Variants in RASEF observed in about 807,000 individuals in gnomAD.
RASEF encodes the protein ras and EF-hand domain-containing protein.
RASEF carries 68 observed loss-of-function variants against 90.1 expected under a neutral mutation model. The ratio of observed to expected loss-of-function variants is 0.75; its 90% CI spans 0.62 to 0.92. The LOEUF (loss-of-function observed/expected upper bound fraction) is 0.92, where lower values mean the gene tolerates loss of function less well. Ranked by LOEUF, RASEF falls within the 40% of genes least tolerant of loss-of-function variation. The pLI is 0.00. For missense variants in RASEF, 949 were observed against 937.2 expected (o/e 1.01, Z -0.16); for synonymous variants, 331 against 345.2 (o/e 0.96, Z 0.46).
At chr9:83,102,418 C>G in the RASEF span, among the ~76,000 whole-genome samples, 1 of 152,172 alleles carries the variant, frequency 6.6e-6, no homozygotes, top group South Asian at 2.1e-4. Context: ...CCAATACACA[C>G]CTTAAGCGAT....
chr9:83,147,040 G>GTA, the RASEF span, among the ~76,000 whole-genome samples: 2,393 of 143,672 alleles, frequency 0.017, 62 homozygotes, highest in African/African-American at 0.053. Flanking sequence ...ATATATATAT[G>GTA]TATATATATA....
In RASEF at chr9:83,049,529, C is replaced by T. The variant is rs200712436; in HGVS notation, c.431+12908G>A. Among the ~76,000 whole-genome samples the T allele has an allele frequency of 8.6e-3, 855 of 99,204 alleles. 21 individuals carry two copies. The East Asian group carries it at 0.13, about 15-fold the overall frequency. 65.1% of individuals were successfully genotyped at this position (99,204 alleles called of 152,430 possible). On this transcript the variant is annotated intron_variant, in intron 1 of 16. Coordinates refer to ENST00000376447, the MANE Select transcript of RASEF (RefSeq NM_152573.4). ...ATGCACAGCCCACCTTTCTGCCTTC[C>T]TTTTTTTTTTTTTTTTTTTTTTTAT...
the RASEF span, chr9:83,200,944 AG>A: frequency 6.6e-6 from 1 of 152,242 alleles, no homozygotes; most frequent in Non-Finnish European, 1.5e-5. Flanking sequence ...CTTCTCTTAA[AG>A]GGTCATAGAC....
intron 1 of RASEF, among the ~76,000 whole-genome samples, chr9:83,044,592 A>C (rs1474607076): frequency 6.6e-6 from 1 of 152,144 alleles, no homozygotes; most frequent in Non-Finnish European, 1.5e-5. Flanking sequence ...AGGTGGGGGA[A>C]TATAATATAT....
intron 1 of RASEF, among the ~76,000 whole-genome samples, 168 bp downstream of exon 1, chr9:83,062,269 T>C (rs1474305824): frequency 1.3e-5 from 2 of 151,972 alleles, no homozygotes; most frequent in Non-Finnish European, 2.9e-5. Flanking sequence ...TCCTTTTTCT[T>C]AACTCTAGCG....
chr9:83,009,644 T>C lies in RASEF; in HGVS notation c.956A>G (p.Glu319Gly). 1 of 1,571,106 alleles carries C rather than the reference T, an allele frequency of 6.4e-7. No homozygotes were observed. The highest frequency in any genetic ancestry group is 8.8e-7 in the Non-Finnish European group (1 of 1,141,806). The change falls in exon 6 of 17, where the codon GAA (glutamate) becomes GGA (glycine). Residue 319 changes from glutamate to glycine, a missense_variant. Transcript: ENST00000376447. ...SDYADQSLNT[E>G]RDLEIIRAYT... ...AAATAAAATGCAAAGTTCATACCTT[T>C]CAGTATTCAGACTCTGATCAGCATA...
At chr9:83,198,758 A>G in the RASEF span, among the ~76,000 whole-genome samples, 1 of 152,190 alleles carries the variant, frequency 6.6e-6, no homozygotes, top group Non-Finnish European at 1.5e-5. Context: ...TGCAGGAGAC[A>G]AAGCCCAAAG....
At chr9:83,154,671 C>A in the RASEF span, among the ~76,000 whole-genome samples, 1 of 152,210 alleles carries the variant, frequency 6.6e-6, no homozygotes, top group East Asian at 1.9e-4. Context: ...GGCCATCTCT[C>A]TTTCTACCCC....
At chr9:83,045,164 T>A (rs1454055431) in intron 1 of RASEF, among the ~76,000 whole-genome samples, 1 of 152,230 alleles carries the variant, frequency 6.6e-6, no homozygotes, top group African/African-American at 2.4e-5. Context: ...ATACATTTTA[T>A]ATGTGTGTCT....
intron 1 of RASEF, among the ~76,000 whole-genome samples, chr9:83,047,541 A>T (rs1829955614): frequency 1.3e-5 from 2 of 152,226 alleles, no homozygotes; most frequent in Non-Finnish European, 2.9e-5. Context: ...CTTCAGATGA[A>T]GAGAAAGAAA....
chr9:83,046,307 T>G (rs1418918535), intron 1 of RASEF, among the ~76,000 whole-genome samples: 1 of 152,198 alleles, frequency 6.6e-6, no homozygotes, highest in Non-Finnish European at 1.5e-5. Flanking sequence ...TGCTAGTATT[T>G]TATTAGGATT....
intron 1 of RASEF, among the ~76,000 whole-genome samples, chr9:83,060,416 T>A (rs1412068527): frequency 1.3e-5 from 2 of 152,220 alleles, no homozygotes; most frequent in African/African-American, 4.8e-5. Flanking sequence ...TGTTCTTCGA[T>A]GAAGTTGCTG....
intron 1 of RASEF, among the ~76,000 whole-genome samples, chr9:83,057,777 G>C (rs1394251751): frequency 1.3e-5 from 2 of 150,790 alleles, no homozygotes; most frequent in Non-Finnish European, 3.0e-5. Flanking sequence ...TACTGGCCAT[G>C]AGCATGAAAA....
chr9:83,043,401 G>GT (rs367586961), intron 1 of RASEF, among the ~76,000 whole-genome samples: 201 of 151,980 alleles, frequency 1.3e-3, no homozygotes, highest in African/African-American at 4.8e-3. Context: ...AGTGATTGGG[G>GT]GGGGGGACCC....
the RASEF span, among the ~76,000 whole-genome samples, chr9:83,118,088 G>A: frequency 6.6e-6 from 1 of 152,126 alleles, no homozygotes; most frequent in Admixed American, 6.5e-5. Flanking sequence ...ACCAAATAAT[G>A]TAATACAAAT....
the RASEF span, among the ~76,000 whole-genome samples, chr9:83,183,308 A>T: frequency 6.6e-6 from 1 of 152,028 alleles, no homozygotes; most frequent in African/African-American, 2.4e-5. Flanking sequence ...TTTTGTGGAA[A>T]ACAAAATTCC....
the RASEF span, among the ~76,000 whole-genome samples, chr9:83,072,009 C>T: frequency 6.6e-6 from 1 of 152,178 alleles, no homozygotes; most frequent in African/African-American, 2.4e-5. Flanking sequence ...GTCTCCACCT[C>T]TCGATGCAGG....
chr9:83,129,947 ACT>A, the RASEF span, among the ~76,000 whole-genome samples: 1 of 152,038 alleles, frequency 6.6e-6, no homozygotes, highest in African/African-American at 2.4e-5. Flanking sequence ...ATGACTGGAA[ACT>A]CTGCAGTATA....
At chr9:83,176,244 T>C in the RASEF span, among the ~76,000 whole-genome samples, 1 of 152,254 alleles carries the variant, frequency 6.6e-6, no homozygotes, top group Non-Finnish European at 1.5e-5. Context: ...TTTATCATTA[T>C]GAAATCTTGC....
Sources: gnomAD v4.1 joint callset for allele counts (sites outside exome capture counted in the v4.1 genomes callset) on GRCh38, gnomAD v4.1.1 for gene constraint, MANE v1.5 for transcripts, NCBI Gene and HGNC (gene_info 2026-07-23, HGNC 2026-07-21) for gene names.